The following AP3B1 variants were observed in gnomAD, a reference collection of about 807,000 sequenced individuals.
The protein encoded by AP3B1 is AP-3 complex subunit beta-1.
A neutral mutation model predicts 132.5 loss-of-function variants in AP3B1; 61 were observed. The ratio of observed to expected loss-of-function variants is 0.46; its 90% confidence interval spans 0.37 to 0.57. The LOEUF (loss-of-function observed/expected upper bound fraction) is 0.57, where lower values mean the gene tolerates loss of function less well. AP3B1 is among the 20% of genes least tolerant of loss of function. AP3B1 has a pLI of 0.00. For synonymous variants in AP3B1, 388 were observed against 438.3 expected, an observed-to-expected ratio of 0.89 and a Z score of 1.43; for missense variants, 1,120 against 1,289.4, an observed-to-expected ratio of 0.87 and a Z score of 2.01.
chr5:78,294,505 GGTCGCCTCCTGACCCAGCTCC>G lies in AP3B1; in HGVS notation c.54_74del (p.Glu19_Thr25del). 6.2e-7 allele frequency: 1 copy of G among 1,614,252 alleles called. No individual in the cohort carries two copies. Among genetic ancestry groups the G allele is most frequent in the Non-Finnish European group, 8.5e-7 (1 of 1,180,050 alleles). The stretch of plus-strand genomic sequence containing the variant: ...AGGCCCCCGAGGGGGAAATGGTTGA[GGTCGCCTCCTGACCCAGCTCC>G]GTCGCCTCCCCTCCTCCGGACTGCT... On this transcript the variant is annotated inframe_deletion, in exon 1 of 27. Transcript: ENST00000255194.
intron 2 of AP3B1, among the ~76,000 whole-genome samples, chr5:78,246,862 T>C (rs574720190): frequency 6.8e-4 from 103 of 152,296 alleles, no homozygotes; most frequent in African/African-American, 2.5e-3. Flanking sequence ...TAGTTTTAAT[T>C]TGAGTTTAAT....
At chr5:78,048,731 T>C (rs61446459) in intron 22 of AP3B1, among the ~76,000 whole-genome samples, 2,650 of 152,320 alleles carry the variant, frequency 0.017, 76 homozygotes, top group African/African-American at 0.057. Context: ...CCCAGACACA[T>C]TACTGTCCTT....
intron 22 of AP3B1, among the ~76,000 whole-genome samples, chr5:78,039,696 T>C (rs1580269357): frequency 6.8e-6 from 1 of 147,354 alleles, no homozygotes; most frequent in Non-Finnish European, 1.5e-5. Context: ...GAGAATGGCG[T>C]GAACCCAGGA....
At chr5:78,090,493 A>C (rs577326298) in intron 21 of AP3B1, among the ~76,000 whole-genome samples, 36 of 152,186 alleles carry the variant, frequency 2.4e-4, no homozygotes, top group Non-Finnish European at 4.3e-4. Context: ...CTCATCTTGC[A>C]ACTTCGATCT....
At chr5:78,023,596 G>A (rs570610709) in intron 24 of AP3B1, among the ~76,000 whole-genome samples, 27 of 152,132 alleles carry the variant, frequency 1.8e-4, no homozygotes, top group Admixed American at 8.5e-4. Context: ...AGGAAAAGAG[G>A]ATACCACAAA....
At chr5:78,063,771 A>C (rs1054805368) in intron 22 of AP3B1, among the ~76,000 whole-genome samples, 11 of 152,362 alleles carry the variant, frequency 7.2e-5, no homozygotes, top group African/African-American at 2.6e-4. Flanking sequence ...TTTTCTAGCA[A>C]TCTACGACAC....
At position 78,129,184 on chromosome 5, in the gene AP3B1, T is replaced by C; in HGVS notation, c.1774A>G (p.Lys592Glu). Residue 592 changes from lysine (K) to glutamate (E), a missense_variant, in exon 16 of 27, where the codon AAA becomes GAA. This residue lies in a region of AP3B1 where 906 missense variants were observed against 997.1 expected (regional missense o/e 0.91). Coordinates refer to ENST00000255194, the MANE Select transcript of AP3B1 (RefSeq NM_003664.5). ...GCTAGGAATATTTTTTTGGCATATT[T>C]ACTTAAAGCTCCACTCTTTACATTC... is the stretch of plus-strand genomic sequence containing the variant. ...VPNVKSGALS[K>E]YAKKIFLAQK... 3 of 1,613,416 alleles carry C rather than the reference T, an allele frequency of 1.9e-6. No homozygotes were observed. In the South Asian group the frequency reaches 3.3e-5, roughly 18 times the overall value.
chr5:78,050,692 A>C (rs920847972), intron 22 of AP3B1, among the ~76,000 whole-genome samples: 2 of 152,220 alleles, frequency 1.3e-5, no homozygotes, highest in African/African-American at 4.8e-5. Context: ...TGAAATGTCT[A>C]CTTATAAGTG....
chr5:78,121,849 G>T (rs1394161131), intron 17 of AP3B1: 1 of 152,306 alleles, frequency 6.6e-6, no homozygotes, highest in Non-Finnish European at 1.5e-5. Context: ...ATTTTAGGAG[G>T]CCAGCATCAT....
chr5:78,193,740 T>TATATATCTA (rs1561469382), intron 7 of AP3B1, among the ~76,000 whole-genome samples: 1 of 41,730 alleles, frequency 2.4e-5, no homozygotes, highest in East Asian at 3.0e-4. Flanking sequence ...TTGTATATAT[T>TATATATCTA]TTTTTATATA....
chr5:78,068,006 A>C (rs1749365894), intron 22 of AP3B1, among the ~76,000 whole-genome samples: 1 of 152,016 alleles, frequency 6.6e-6, no homozygotes, highest in Non-Finnish European at 1.5e-5. Flanking sequence ...AAAATTAATA[A>C]AAGAGACCAC....
intron 7 of AP3B1, among the ~76,000 whole-genome samples, chr5:78,193,770 A>ATTTTTTT (rs35190275): frequency 1.0e-3 from 68 of 67,140 alleles, no homozygotes; most frequent in Admixed American, 2.1e-3. Flanking sequence ...ATATATATAT[A>ATTTTTTT]TTTTTTTTTT....
chr5:78,210,017 A>G (rs1247015000), intron 7 of AP3B1, among the ~76,000 whole-genome samples: 7 of 152,338 alleles, frequency 4.6e-5, no homozygotes, highest in Admixed American at 3.9e-4. Context: ...ATATTAGATC[A>G]TGGTCCTTAG....
Position 78,128,151 on chromosome 5 carries a change from T to C in AP3B1, c.1847A>G (p.His616Arg). The C allele has an allele frequency of 6.2e-7, 1 of 1,605,136 alleles. No homozygotes were observed. The highest frequency in any genetic ancestry group is 8.5e-7 in the Non-Finnish European group (1 of 1,172,274). Residue 616 changes from histidine to arginine, a missense_variant, in exon 17 of 27, where the codon CAT (histidine) becomes CGT (arginine). By Grantham distance (29) the His-to-Arg change is conservative (BLOSUM62 0). Around this residue, in one of 3 missense-constraint regions of AP3B1, gnomAD observed 906 missense variants for 997.1 expected, o/e 0.91. Coordinates refer to ENST00000255194, the MANE Select transcript of AP3B1 (RefSeq NM_003664.5). Reference protein sequence around the residue: ...LLESPFKDRDHFQLGTLSHTL... With the variant: ...LLESPFKDRDRFQLGTLSHTL... The stretch of plus-strand genomic sequence containing the variant: ...ATGAGATAAGGTGCCAAGCTGGAAA[T>C]GATCTCTATCTATTAAAAATAGGGA...
chr5:78,260,332 T>C (rs1378140643), intron 2 of AP3B1, among the ~76,000 whole-genome samples: 3 of 151,800 alleles, frequency 2.0e-5, no homozygotes, highest in African/African-American at 7.3e-5. Context: ...CATGCCTGTA[T>C]TTCCATCACT....
intron 3 of AP3B1, among the ~76,000 whole-genome samples, chr5:78,228,949 CT>C (rs377155917): frequency 4.6e-4 from 70 of 152,102 alleles, no homozygotes; most frequent in Middle Eastern, 3.4e-3. Flanking sequence ...GATTTTTTTT[CT>C]GAGACACAGT....
intron 7 of AP3B1, among the ~76,000 whole-genome samples, chr5:78,189,100 G>C (rs1160469828): frequency 6.6e-6 from 1 of 152,110 alleles, no homozygotes; most frequent in African/African-American, 2.4e-5. Context: ...GAGAGCATTA[G>C]GGAAAAGAGC....
intron 1 of AP3B1, among the ~76,000 whole-genome samples, chr5:78,268,213 T>C (rs1426312144): frequency 6.6e-6 from 1 of 150,658 alleles, no homozygotes; most frequent in Non-Finnish European, 1.5e-5. Context: ...TGCATAAAAC[T>C]TTTCAGGCTC....
At chr5:78,096,595 G>A (rs1750799316) in intron 21 of AP3B1, among the ~76,000 whole-genome samples, 1 of 150,796 alleles carries the variant, frequency 6.6e-6, no homozygotes, top group Non-Finnish European at 1.5e-5. Context: ...CCCATCGTCT[G>A]AGATGTGGGG....
Sources: gnomAD v4.1 joint callset for allele counts (sites outside exome capture counted in the v4.1 genomes callset) on GRCh38, gnomAD v4.1.1 for gene constraint, gnomAD v4.1.1 regional missense constraint, MANE v1.5 for transcripts, NCBI Gene and HGNC (gene_info 2026-07-23, HGNC 2026-07-21) for gene names.